The following SHQ1 variants were observed in gnomAD, a reference collection of about 807,000 sequenced individuals.
SHQ1 encodes SHQ1, H/ACA ribonucleoprotein assembly factor.
Under a neutral mutation model 53.8 loss-of-function variants are expected in SHQ1, and 49 were observed. The ratio of observed to expected loss-of-function variants is 0.91; its 90% CI spans 0.72 to 1.16. SHQ1 has a LOEUF of 1.16. SHQ1 is among the 50% of genes most tolerant of loss of function. SHQ1 has a pLI of 0.00. For missense variants in SHQ1, 738 were observed against 683.1 expected (o/e 1.08, Z -0.90); for synonymous variants, 243 against 251.0 (o/e 0.97, Z 0.30).
intron 10 of SHQ1, chr3:72,753,288 T>C (rs961777083): frequency 2.3e-5 from 23 of 985,288 alleles, no homozygotes; most frequent in Non-Finnish European, 2.8e-5. Flanking sequence ...ACAAGATAAA[T>C]TCATTTGTAA....
At chr3:72,812,517 T>G (rs1707156314) in intron 9 of SHQ1, among the ~76,000 whole-genome samples, 154 bp downstream of exon 9, 1 of 152,230 alleles carries the variant, frequency 6.6e-6, no homozygotes, top group Admixed American at 6.5e-5. Context: ...ACATATGTCT[T>G]ATACACAGGA....
chr3:72,819,279 G>T (rs1707407715), intron 6 of SHQ1, among the ~76,000 whole-genome samples: 1 of 152,086 alleles, frequency 6.6e-6, no homozygotes, highest in African/African-American at 2.4e-5. Context: ...AATGTGTTTT[G>T]TCCAGTTTTT....
chr3:72,766,925 T>C (rs1351463012), intron 10 of SHQ1, among the ~76,000 whole-genome samples: 1 of 152,164 alleles, frequency 6.6e-6, no homozygotes, highest in Non-Finnish European at 1.5e-5. Context: ...GCATTCAGAA[T>C]GTCAGCTTGA....
At position 72,792,956 on chromosome 3, in the gene SHQ1, G is replaced by A; in HGVS notation, c.1141C>T (p.Leu381Phe). The change falls in exon 10 of 11, where the codon CTC (leucine) becomes TTC (phenylalanine). Residue 381 changes from leucine to phenylalanine, a missense_variant. Leu to Phe is a conservative substitution (Grantham distance 22, BLOSUM62 0). Coordinates refer to ENST00000325599, the MANE Select transcript of SHQ1 (RefSeq NM_018130.3). ...CACACACAGTAGTCTGAGATGTAGA[G>A]ATCATTCAGTATGTACGCTGGGTCA... ...ENDPAYILND[L>F]YISDYCVWIQ... The A allele has an allele frequency of 6.2e-7, 1 of 1,611,768 alleles. No individual in the cohort carries two copies. The highest frequency in any genetic ancestry group is 1.1e-5 in the South Asian group (1 of 90,780).
At chr3:72,809,317 T>C (rs1559682482) in intron 9 of SHQ1, among the ~76,000 whole-genome samples, 1 of 152,184 alleles carries the variant, frequency 6.6e-6, no homozygotes, top group Non-Finnish European at 1.5e-5. Context: ...TAGACTCCTC[T>C]TGTGACTAGA....
chr3:72,725,678 A>AG, the SHQ1 span, among the ~76,000 whole-genome samples: 1 of 152,198 alleles, frequency 6.6e-6, no homozygotes, highest in Non-Finnish European at 1.5e-5. Flanking sequence ...CCCAGCCACG[A>AG]GCACAGTGCC....
intron 10 of SHQ1, among the ~76,000 whole-genome samples, chr3:72,755,626 A>G (rs1705483217): frequency 6.6e-6 from 1 of 152,242 alleles, no homozygotes; most frequent in Admixed American, 6.5e-5. Flanking sequence ...CAAAAAGGGA[A>G]ATTATTCCTG....
chr3:72,794,768 C>T (rs907961364), intron 9 of SHQ1: 1 of 152,242 alleles, frequency 6.6e-6, no homozygotes, highest in Non-Finnish European at 1.5e-5. Context: ...AGCCCACTAT[C>T]AAGGTCTAGC....
chr3:72,823,296 A>T lies in SHQ1; in HGVS notation c.727+1128T>A, dbSNP rs540165819. ...ATAAAACTTAACCATAAAAACATTTATTACAATATTTATAGATATTTACTG... is the reference window on the plus strand; with the variant it reads ...ATAAAACTTAACCATAAAAACATTTTTTACAATATTTATAGATATTTACTG... On this transcript the variant is annotated intron_variant, in intron 6 of 10. Transcript: ENST00000325599. Among the ~76,000 whole-genome samples, 9 of 152,316 alleles carry T rather than the reference A, an allele frequency of 5.9e-5. No individual in the cohort carries two copies. The South Asian group carries it at 1.9e-3, about 32-fold the overall frequency.
chr3:72,755,193 C>T lies in SHQ1; in HGVS notation c.1182-4357G>A, dbSNP rs565952936. ...TTTTATCCTTCAGGAAAAAGTTTTT[C>T]ACTTTCGGCATTATATTATGTTTAA... is the stretch of plus-strand genomic sequence containing the variant. On this transcript the variant is annotated intron_variant, in intron 10 of 10. Transcript: ENST00000325599. 2.0e-5 allele frequency among the ~76,000 whole-genome samples: 3 copies of T among 152,162 alleles called. No homozygotes were observed. In the South Asian group the frequency reaches 6.2e-4, roughly 32 times the overall value.
chr3:72,751,446 T>C lies in SHQ1; in HGVS notation c.1182-610A>G, dbSNP rs554520273. On this transcript the variant is annotated intron_variant, in intron 10 of 10. Transcript: ENST00000325599. The stretch of plus-strand genomic sequence containing the variant: ...AAAGAAAAATAGAAATATCAATTTC[T>C]TCTGGGTAATATATCTATAATAAGC... Among the ~76,000 whole-genome samples the C allele has an allele frequency of 2.0e-5, 3 of 150,350 alleles. No individual in the cohort carries two copies. The South Asian group carries it at 6.3e-4, about 31-fold the overall frequency.
intron 9 of SHQ1, among the ~76,000 whole-genome samples, chr3:72,797,330 C>T (rs1270187742): frequency 6.6e-6 from 1 of 152,156 alleles, no homozygotes; most frequent in African/African-American, 2.4e-5. Flanking sequence ...TTAACAGTAT[C>T]TGTCTCTACA....
At chr3:72,726,410 T>C in the SHQ1 span, among the ~76,000 whole-genome samples, 2 of 152,208 alleles carry the variant, frequency 1.3e-5, no homozygotes, top group African/African-American at 4.8e-5. Flanking sequence ...AGATCAGCAA[T>C]GGCGTGATCT....
chr3:72,803,226 TA>T (rs1301812165), intron 9 of SHQ1, among the ~76,000 whole-genome samples: 6 of 152,186 alleles, frequency 3.9e-5, no homozygotes, highest in African/African-American at 1.4e-4. Context: ...ACTTAAGCTT[TA>T]AAAAAATTTT....
intron 10 of SHQ1, among the ~76,000 whole-genome samples, chr3:72,757,483 T>TGGCCTCAGCAGCCCTCC (rs11272005): frequency 0.33 from 50,348 of 150,414 alleles, 10,279 homozygotes; most frequent in African/African-American, 0.58. Context: ...GTTGAACTAC[T>TGGCCTCAGCAGCCCTCC]GGCCTCAGCA....
Position 72,750,552 on chromosome 3 carries a change from C to T in SHQ1, c.1466G>A (p.Ser489Asn), listed in dbSNP as rs35178407. The change falls in exon 11 of 11, where the codon AGT becomes AAT. Residue 489 changes from serine to asparagine, a missense_variant. Ser to Asn is a conservative substitution (Grantham distance 46). Transcript: ENST00000325599. ...TTCAAGAAAGGGACCTTGCAAAGAACTGACTGTCTCAGATGGACTATCTTT... is the reference window on the plus strand; with the variant it reads ...TTCAAGAAAGGGACCTTGCAAAGAATTGACTGTCTCAGATGGACTATCTTT... ...ELKDSPSETV[S>N]SLQGPFLEES... 407,577 of 1,613,876 alleles carry T rather than the reference C, an allele frequency of 0.25. 59,546 individuals carry two copies. Among genetic ancestry groups the T allele is most frequent in the African/African-American group, 0.63 (47,549 of 74,908 alleles).
At chr3:72,837,079 G>T (rs937730276) in intron 4 of SHQ1, among the ~76,000 whole-genome samples, 1 of 152,160 alleles carries the variant, frequency 6.6e-6, no homozygotes, top group Non-Finnish European at 1.5e-5. Context: ...CTGGGTTGGC[G>T]CCCAGAGACT....
At chr3:72,814,014 G>GT (rs2106864185) in intron 8 of SHQ1, among the ~76,000 whole-genome samples, 1 of 151,794 alleles carries the variant, frequency 6.6e-6, no homozygotes, top group South Asian at 2.1e-4. Context: ...CCACAAAATT[G>GT]TTTTTTGATA....
Position 72,812,683 on chromosome 3 carries a change from T to A in SHQ1, c.1048A>T (p.Ile350Leu), listed in dbSNP as rs758045407. 13 of 1,613,976 alleles carry A rather than the reference T, an allele frequency of 8.1e-6. No homozygotes were observed. The highest frequency in any genetic ancestry group is 6.7e-5 in the Admixed American group (4 of 60,008). ...AGTAATATCTTACCCAGTTGCAATATCTTTATAGTGTCCCTGTAGGCCTTC... is the reference window on the plus strand; with the variant it reads ...AGTAATATCTTACCCAGTTGCAATAACTTTATAGTGTCCCTGTAGGCCTTC... The part of the protein sequence containing the change: ...VMKAYRDTIK[I>L]LQLGKSAVLK... The change falls in exon 9 of 11, where the codon ATA (isoleucine) becomes TTA (leucine). Residue 350 changes from isoleucine to leucine, a missense_variant. Transcript: ENST00000325599.
Sources: gnomAD v4.1 joint callset for allele counts (sites outside exome capture counted in the v4.1 genomes callset) on GRCh38, gnomAD v4.1.1 for gene constraint, MANE v1.5 for transcripts, NCBI Gene and HGNC (gene_info 2026-07-23, HGNC 2026-07-21) for gene names.